PRICKLE2: variants seen among roughly 807,000 people sequenced by gnomAD.
The protein encoded by PRICKLE2 is prickle planar cell polarity protein 2, also known as prickle-like protein 2.
A neutral mutation model predicts 81.4 loss-of-function variants in PRICKLE2; 21 were observed. The ratio of observed to expected loss-of-function variants is 0.26; its 90% confidence interval spans 0.18 to 0.37. The LOEUF (loss-of-function observed/expected upper bound fraction) is 0.37, where lower values mean the gene tolerates loss of function less well. PRICKLE2 is among the 10% of genes least tolerant of loss of function. The pLI, the probability that PRICKLE2 is intolerant of heterozygous loss-of-function variation, is 1.00. For synonymous variants in PRICKLE2, 456 were observed against 421.5 expected (o/e 1.08, Z -1.00); for missense variants, 940 against 1,109.0 (o/e 0.85, Z 2.16).
In PRICKLE2 at chr3:64,147,472, T is replaced by G. The variant is rs1438746926; in HGVS notation, c.1018A>C (p.Ile340Leu). 6.2e-7 allele frequency: 1 copy of G among 1,614,108 alleles called. No homozygotes were observed. The highest frequency in any genetic ancestry group is 8.5e-7 in the Non-Finnish European group (1 of 1,180,060). The change falls in exon 7 of 8, where the codon ATT becomes CTT. Residue 340 changes from isoleucine (I) to leucine (L), a missense_variant. Physicochemically the swap from Ile to Leu is conservative, Grantham distance 5. Around this residue, in one of 2 missense-constraint regions of PRICKLE2, gnomAD observed 670 missense variants for 717.2 expected, o/e 0.93. Coordinates refer to ENST00000638394, the MANE Select transcript of PRICKLE2 (RefSeq NM_198859.4). This position sits in a 1 kb window ranked among gnomAD's most constrained non-coding sequence, Gnocchi z 5.0. The part of the protein sequence containing the change: ...RAKESRRSAK[I>L]GKNKGKTEEP... ...TCCGTCTTGCCCTTGTTCTTGCCAATTTTGGCACTGCGCCGGGACTCCTTG... is the reference window on the plus strand; with the variant it reads ...TCCGTCTTGCCCTTGTTCTTGCCAAGTTTGGCACTGCGCCGGGACTCCTTG...
At chr3:64,118,952 G>A (rs75338113) in intron 7 of PRICKLE2, among the ~76,000 whole-genome samples, 8,668 of 152,104 alleles carry the variant, frequency 0.057, 591 homozygotes, top group East Asian at 0.28. Flanking sequence ...TCACACTAGC[G>A]AAGACATGGA....
chr3:64,187,212 C>T (rs950798500), intron 2 of PRICKLE2, among the ~76,000 whole-genome samples: 7 of 152,214 alleles, frequency 4.6e-5, no homozygotes, highest in Admixed American at 1.3e-4. Context: ...CTGACAGCTC[C>T]GTTGAAAACA....
intron 3 of PRICKLE2, among the ~76,000 whole-genome samples, chr3:64,160,983 C>CA (rs869177025): frequency 6.6e-6 from 1 of 151,070 alleles, no homozygotes; most frequent in Non-Finnish European, 1.5e-5. Context: ...AACAAACAAA[C>CA]AAAAAAACCA....
chr3:64,138,939 C>T (rs2077317600), intron 7 of PRICKLE2, among the ~76,000 whole-genome samples: 1 of 152,200 alleles, frequency 6.6e-6, no homozygotes, highest in Non-Finnish European at 1.5e-5. Context: ...GATGGTTATC[C>T]AAGTTATGCA....
chr3:64,240,785 G>A (rs1171662003), intron 2 of PRICKLE2, among the ~76,000 whole-genome samples: 1 of 152,208 alleles, frequency 6.6e-6, no homozygotes, highest in Non-Finnish European at 1.5e-5. Flanking sequence ...TGAGCATGGA[G>A]TCTGGTCATT....
At chr3:64,108,536 CAG>C (rs1244845506) in intron 7 of PRICKLE2, among the ~76,000 whole-genome samples, 2 of 152,046 alleles carry the variant, frequency 1.3e-5, no homozygotes, top group Non-Finnish European at 2.9e-5. Context: ...GGGGTGGGGA[CAG>C]AAAGAGGAGA....
At chr3:64,123,685 A>G (rs830009) in intron 7 of PRICKLE2, among the ~76,000 whole-genome samples, 89,723 of 151,978 alleles carry the variant, frequency 0.59, 27,368 homozygotes, top group South Asian at 0.73. Context: ...ATGGTCATCT[A>G]TGGTCAGTAA....
At chr3:64,154,724 CTTTA>C (rs1346437366) in intron 5 of PRICKLE2, 1 of 152,158 alleles carries the variant, frequency 6.6e-6, no homozygotes, top group African/African-American at 2.4e-5. Flanking sequence ...AAATTAAAAA[CTTTA>C]TGCTTCAAAG....
chr3:64,176,806 C>G (rs568672358), intron 2 of PRICKLE2, among the ~76,000 whole-genome samples: 1 of 152,352 alleles, frequency 6.6e-6, no homozygotes, highest in Admixed American at 6.5e-5. Flanking sequence ...GCCTGAGTAA[C>G]TTGCCTTGCC....
intron 2 of PRICKLE2, among the ~76,000 whole-genome samples, chr3:64,248,609 T>C (rs2079394562): frequency 6.6e-6 from 1 of 151,900 alleles, no homozygotes; most frequent in African/African-American, 2.4e-5. Flanking sequence ...TGGAAAAACC[T>C]TGTCCTTTCA....
intron 1 of PRICKLE2, among the ~76,000 whole-genome samples, chr3:64,204,872 G>C: frequency 6.6e-6 from 1 of 151,994 alleles, no homozygotes; most frequent in Admixed American, 6.6e-5. Flanking sequence ...CCCTCAGAAG[G>C]GGGCAGAGGG....
chr3:64,266,189 T>G (rs752947313), intron 2 of PRICKLE2, among the ~76,000 whole-genome samples: 1 of 122,878 alleles, frequency 8.1e-6, no homozygotes, highest in Non-Finnish European at 1.8e-5. Context: ...TCTCCAAGCC[T>G]CCACCGCAAA....
intron 2 of PRICKLE2, among the ~76,000 whole-genome samples, chr3:64,243,398 C>A: frequency 6.6e-6 from 1 of 152,330 alleles, no homozygotes; most frequent in Non-Finnish European, 1.5e-5. Context: ...AAATATATCT[C>A]CAGAAATTGC....
chr3:64,100,491 A>C (rs1175772656), intron 7 of PRICKLE2: 1 of 157,684 alleles, frequency 6.3e-6, no homozygotes, highest in African/African-American at 2.4e-5. Flanking sequence ...AGTGTCTTGG[A>C]CACTAAGTGA....
At chr3:64,157,460 T>C (rs529872645) in intron 4 of PRICKLE2, 95 bp from the exon 5 acceptor site, 1 of 1,276,008 alleles carries the variant, frequency 7.8e-7, no homozygotes, top group Non-Finnish European at 1.1e-6. Context: ...AGCTGGCTAC[T>C]GAGTGCTTAT....
At chr3:64,132,251 G>A in intron 7 of PRICKLE2, among the ~76,000 whole-genome samples, 1 of 152,064 alleles carries the variant, frequency 6.6e-6, no homozygotes, top group East Asian at 1.9e-4. Flanking sequence ...GTCCTTCTCT[G>A]TGTGTTTGTA....
At chr3:64,130,688 G>A (rs1005031078) in intron 7 of PRICKLE2, among the ~76,000 whole-genome samples, 2 of 152,150 alleles carry the variant, frequency 1.3e-5, no homozygotes, top group Non-Finnish European at 2.9e-5. Flanking sequence ...GAAGAATTTA[G>A]TTTGGTCTTA....
intron 7 of PRICKLE2, among the ~76,000 whole-genome samples, chr3:64,143,218 T>A (rs2077391100): frequency 6.6e-6 from 1 of 152,196 alleles, no homozygotes; most frequent in African/African-American, 2.4e-5. Context: ...TTAAAATGTG[T>A]CTAGTGCAAC....
chr3:64,260,399 T>C (rs2079599094), intron 2 of PRICKLE2, among the ~76,000 whole-genome samples: 1 of 152,184 alleles, frequency 6.6e-6, no homozygotes, highest in African/African-American at 2.4e-5. Context: ...TCATTCCAAA[T>C]CTAACATTCT....
Sources: allele counts gnomAD v4.1 joint callset (sites outside exome capture counted in the v4.1 genomes callset), GRCh38; gene constraint gnomAD v4.1.1; regional missense constraint gnomAD v4.1.1; non-coding constraint Gnocchi (gnomAD v3.1); transcripts MANE v1.5; gene names NCBI Gene and HGNC (gene_info 2026-07-23, HGNC 2026-07-21).